ZNF705A: variants seen among roughly 807,000 people sequenced by gnomAD.
ZNF705A encodes the protein zinc finger protein 705A.
Under a neutral mutation model 16.6 loss-of-function variants are expected in ZNF705A, and 8 were observed. That is an observed-to-expected ratio of 0.48 (90% CI 0.28 to 0.87). ZNF705A has a LOEUF of 0.87. ZNF705A is among the 40% of genes least tolerant of loss of function. The pLI is 0.10. For synonymous variants in ZNF705A, 73 were observed against 117.3 expected (o/e 0.62, Z 2.44); for missense variants, 233 against 359.9 (o/e 0.65, Z 2.85).
chr12:8,161,102 A>G (rs1454179598), intron 1 of ZNF705A, among the ~76,000 whole-genome samples: 1 of 152,122 alleles, frequency 6.6e-6, no homozygotes, highest in Non-Finnish European at 1.5e-5. Flanking sequence ...TTTTGTTTCT[A>G]ATTCTGTTTA....
At chr12:8,179,869 G>A (rs1469195716) in exon 5 of ZNF705A, 1 of 152,186 alleles carries the variant, frequency 6.6e-6, no homozygotes, top group Non-Finnish European at 1.5e-5. Context: ...GAAATTCTAT[G>A]GGATTTGACA....
chr12:8,158,278 A>T (rs750970280), intron 1 of ZNF705A, among the ~76,000 whole-genome samples: 1 of 151,978 alleles, frequency 6.6e-6, no homozygotes, highest in Non-Finnish European at 1.5e-5. Flanking sequence ...AGTTCTCTAA[A>T]CCCCTTCTTA....
exon 5 of ZNF705A, chr12:8,177,298 A>T (rs1461325302): frequency 6.2e-7 from 1 of 1,611,802 alleles, no homozygotes; most frequent in South Asian, 1.1e-5. Flanking sequence ...ATCTATGTGG[A>T]AAAGCCTTCA....
At chr12:8,174,249 T>A in intron 1 of ZNF705A, 77 bp from the exon 3 acceptor site, 1 of 1,596,320 alleles carries the variant, frequency 6.3e-7, no homozygotes, top group South Asian at 1.1e-5. Flanking sequence ...AGCTCCTAGC[T>A]ATGTCATCTC....
At chr12:8,174,064 T>G (rs1948465360) in intron 1 of ZNF705A, among the ~76,000 whole-genome samples, 1 of 152,200 alleles carries the variant, frequency 6.6e-6, no homozygotes, top group Admixed American at 6.5e-5. Flanking sequence ...GATTAACACA[T>G]TACTGAAAAA....
Position 8,172,642 on chromosome 12 carries a change from G to C in ZNF705A, c.12+5G>C. 1 of 1,596,468 alleles carries C rather than the reference G, an allele frequency of 6.3e-7. No homozygotes were observed. ...TTCCGGACAATGCATTCACTAGTGA[G>C]TAGGGGATGCTTCTTTCTACTGAAA... On this transcript the variant is annotated splice_donor_5th_base_variant and intron_variant, in intron 1 of 4. Transcript: ENST00000359286.
chr12:8,179,483 A>C (rs2120740016), exon 5 of ZNF705A: 1 of 152,260 alleles, frequency 6.6e-6, no homozygotes, highest in South Asian at 2.1e-4. Context: ...TGAACCTAAA[A>C]CTCAAGAGAA....
intron 1 of ZNF705A, among the ~76,000 whole-genome samples, chr12:8,164,876 G>T (rs1948384926): frequency 6.6e-6 from 1 of 152,130 alleles, no homozygotes; most frequent in Non-Finnish European, 1.5e-5. Flanking sequence ...GGGTCAAGTG[G>T]TATTTCTGGT....
intron 1 of ZNF705A, among the ~76,000 whole-genome samples, chr12:8,158,967 C>T (rs76962630): frequency 0.021 from 3,198 of 152,126 alleles, 111 homozygotes; most frequent in African/African-American, 0.07. Context: ...CTTTGTCCCC[C>T]CACCCTTTCC....
At chr12:8,169,145 T>C (rs1407165383), upstream of ZNF705A, among the ~76,000 whole-genome samples, 2 of 152,248 alleles carry the variant, frequency 1.3e-5, no homozygotes, top group African/African-American at 2.4e-5. Context: ...TATTCCTTTT[T>C]TTAAAATGTG....
At chr12:8,165,278 ATTTTT>A (rs36022408) in intron 1 of ZNF705A, among the ~76,000 whole-genome samples, 2 of 94,488 alleles carry the variant, frequency 2.1e-5, no homozygotes, top group Non-Finnish European at 3.8e-5. Flanking sequence ...ATCTTTGCCC[ATTTTT>A]TTTTTTTTTT....
At chr12:8,170,194 C>A (rs138852339), upstream of ZNF705A, among the ~76,000 whole-genome samples, 64,731 of 126,038 alleles carry the variant, frequency 0.51, 16,607 homozygotes, top group Non-Finnish European at 0.57. Context: ...TCCCCCCCCC[C>A]CCAAAAAAAA....
chr12:8,170,193 C>A (rs1282585539), upstream of ZNF705A, among the ~76,000 whole-genome samples: 25 of 114,270 alleles, frequency 2.2e-4, no homozygotes, highest in South Asian at 1.0e-3. Context: ...CTCCCCCCCC[C>A]CCCAAAAAAA....
upstream of ZNF705A, among the ~76,000 whole-genome samples, chr12:8,168,296 G>T (rs766544061): frequency 3.3e-5 from 5 of 152,238 alleles, no homozygotes; most frequent in South Asian, 1.0e-3. Context: ...CTGACAGGCC[G>T]TCACCTGACA....
At chr12:8,158,512 C>A (rs1213054634) in intron 1 of ZNF705A, among the ~76,000 whole-genome samples, 2 of 151,984 alleles carry the variant, frequency 1.3e-5, no homozygotes, top group Non-Finnish European at 2.9e-5. Context: ...TGTATAAATG[C>A]AACATACATA....
exon 1 of ZNF705A, chr12:8,172,617 T>C (rs765534450): frequency 6.3e-7 from 1 of 1,596,442 alleles, no homozygotes; most frequent in South Asian, 1.1e-5. Context: ...AGAAACTGAG[T>C]TCCGGACAAT....
chr12:8,176,119 A>G (rs1284404793), intron 4 of ZNF705A, among the ~76,000 whole-genome samples, 177 bp downstream of exon 5: 1 of 152,222 alleles, frequency 6.6e-6, no homozygotes, highest in Non-Finnish European at 1.5e-5. Context: ...CTAAACCATA[A>G]CATGAGATCT....
chr12:8,159,206 C>T (rs181103864), intron 1 of ZNF705A, among the ~76,000 whole-genome samples: 1 of 152,096 alleles, frequency 6.6e-6, no homozygotes, highest in Non-Finnish European at 1.5e-5. Flanking sequence ...TTTCTTTATC[C>T]ACTTGTTGAT....
chr12:8,162,047 C>G (rs894111843), intron 1 of ZNF705A, among the ~76,000 whole-genome samples: 1 of 152,130 alleles, frequency 6.6e-6, no homozygotes, highest in Non-Finnish European at 1.5e-5. Flanking sequence ...TGATTTAGCC[C>G]TAACCACTGA....
Sources: allele counts gnomAD v4.1 joint callset (sites outside exome capture counted in the v4.1 genomes callset), GRCh38; gene constraint gnomAD v4.1.1; transcripts MANE v1.5; gene names NCBI Gene and HGNC (gene_info 2026-07-23, HGNC 2026-07-21).